MAF: variants seen among roughly 807,000 people sequenced by gnomAD.
The protein encoded by MAF is transcription factor Maf.
Under a neutral mutation model 22.0 loss-of-function variants are expected in MAF, and 10 were observed. That is an observed-to-expected ratio of 0.45 (90% CI 0.28 to 0.77). The LOEUF (loss-of-function observed/expected upper bound fraction) is 0.77, where lower values mean the gene tolerates loss of function less well. Ranked by LOEUF, MAF falls within the 30% of genes least tolerant of loss-of-function variation. MAF has a pLI of 0.12. For missense variants in MAF, 544 were observed against 548.4 expected (o/e 0.99, Z 0.08); for synonymous variants, 337 against 255.8 (o/e 1.32, Z -3.03).
the MAF span, among the ~76,000 whole-genome samples, chr16:79,259,990 C>T: frequency 2.0e-5 from 3 of 152,170 alleles, no homozygotes; most frequent in African/African-American, 7.2e-5. Flanking sequence ...CAGCACAGTG[C>T]ATAGTGGGAC....
chr16:79,212,276 C>A, the MAF span: 4 of 1,193,116 alleles, frequency 3.4e-6, no homozygotes, highest in Non-Finnish European at 4.5e-6. Context: ...TCATCCTGAC[C>A]AAGACTGAGC....
the MAF span, among the ~76,000 whole-genome samples, chr16:79,465,963 C>T: frequency 5.9e-5 from 9 of 152,252 alleles, no homozygotes; most frequent in East Asian, 1.7e-3. Flanking sequence ...ATCTCTTGGG[C>T]TTGGCAAACT....
chr16:79,386,474 G>A, the MAF span, among the ~76,000 whole-genome samples: 5 of 152,108 alleles, frequency 3.3e-5, no homozygotes, highest in Non-Finnish European at 5.9e-5. Flanking sequence ...AGGAGGTCAC[G>A]TGAGTGATGG....
At chr16:79,456,005 A>G in the MAF span, among the ~76,000 whole-genome samples, 1 of 152,290 alleles carries the variant, frequency 6.6e-6, no homozygotes, top group South Asian at 2.1e-4. Flanking sequence ...GTGACACAGC[A>G]AGACTCTCTC....
the MAF span, among the ~76,000 whole-genome samples, chr16:79,558,291 G>A: frequency 6.6e-6 from 1 of 152,098 alleles, no homozygotes; most frequent in Non-Finnish European, 1.5e-5. Context: ...ACTATAAAGA[G>A]AAAGAAGAAA....
the MAF span, among the ~76,000 whole-genome samples, chr16:79,466,430 T>A: frequency 6.6e-6 from 1 of 152,210 alleles, no homozygotes; most frequent in Non-Finnish European, 1.5e-5. Context: ...GGCTTTGTGT[T>A]GAAACGAGCA....
the MAF span, among the ~76,000 whole-genome samples, chr16:79,274,733 G>T: frequency 2.0e-4 from 30 of 152,146 alleles, no homozygotes; most frequent in Non-Finnish European, 3.4e-4. Context: ...GCCAAGTCAG[G>T]GCAGTCAGGA....
At chr16:79,208,251 C>A in the MAF span, among the ~76,000 whole-genome samples, 1 of 152,150 alleles carries the variant, frequency 6.6e-6, no homozygotes, top group South Asian at 2.1e-4. Context: ...TTCTGGGCTT[C>A]CCAGAAATTC....
At chr16:79,508,578 C>G in the MAF span, among the ~76,000 whole-genome samples, 1 of 152,214 alleles carries the variant, frequency 6.6e-6, no homozygotes, top group Non-Finnish European at 1.5e-5. Context: ...CCAGCTCTTC[C>G]GGCTGAATAT....
the MAF span, among the ~76,000 whole-genome samples, chr16:79,378,496 C>T: frequency 6.6e-5 from 10 of 152,136 alleles, no homozygotes; most frequent in Non-Finnish European, 1.3e-4. Flanking sequence ...CAAATTGTTA[C>T]TGTATGACTT....
chr16:79,426,971 C>T, the MAF span, among the ~76,000 whole-genome samples: 2 of 152,208 alleles, frequency 1.3e-5, no homozygotes, highest in African/African-American at 4.8e-5. Flanking sequence ...CTGAAGCCAG[C>T]TACATCTGGA....
At chr16:79,561,466 C>A in the MAF span, among the ~76,000 whole-genome samples, 1 of 143,422 alleles carries the variant, frequency 7.0e-6, no homozygotes, top group Non-Finnish European at 1.5e-5. Context: ...TCCCTCCCCC[C>A]TCCCCTCACC....
the MAF span, among the ~76,000 whole-genome samples, chr16:79,432,001 AT>A: frequency 0.013 from 2,041 of 152,228 alleles, 43 homozygotes; most frequent in Non-Finnish European, 0.015. Flanking sequence ...AACCACGGAT[AT>A]TTCCAAACCC....
the MAF span, among the ~76,000 whole-genome samples, chr16:79,445,121 C>T: frequency 1.3e-5 from 2 of 152,134 alleles, no homozygotes; most frequent in African/African-American, 2.4e-5. Context: ...GCAAGCTCCT[C>T]CTCCTGGGTT....
the MAF span, among the ~76,000 whole-genome samples, chr16:79,515,647 G>A: frequency 9.9e-5 from 15 of 152,252 alleles, no homozygotes; most frequent in Middle Eastern, 3.4e-3. Flanking sequence ...GTTGAGAAGC[G>A]TCTGTATTTA....
chr16:79,298,262 G>T, the MAF span, among the ~76,000 whole-genome samples: 1 of 152,212 alleles, frequency 6.6e-6, no homozygotes, highest in African/African-American at 2.4e-5. Flanking sequence ...GAGGAAAAGA[G>T]CAGCCCTCCT....
downstream of MAF, among the ~76,000 whole-genome samples, chr16:79,583,955 C>A (rs932601530): frequency 6.6e-6 from 1 of 152,106 alleles, no homozygotes; most frequent in African/African-American, 2.4e-5. Context: ...GGTTGATGTG[C>A]GTATGTTAAG....
chr16:79,570,730 G>A, the MAF span, among the ~76,000 whole-genome samples: 1 of 152,298 alleles, frequency 6.6e-6, no homozygotes, highest in South Asian at 2.1e-4. Context: ...CATGCTACCA[G>A]TGTAAAGTCC....
At chr16:79,523,469 G>T in the MAF span, among the ~76,000 whole-genome samples, 1 of 152,160 alleles carries the variant, frequency 6.6e-6, no homozygotes, top group African/African-American at 2.4e-5. Flanking sequence ...TATAAGCGTG[G>T]GTTCATTCAT....
Sources: allele counts gnomAD v4.1 joint callset (sites outside exome capture counted in the v4.1 genomes callset), GRCh38; gene constraint gnomAD v4.1.1; transcripts MANE v1.5; gene names NCBI Gene and HGNC (gene_info 2026-07-23, HGNC 2026-07-21).